Variants in TTLL4 observed in about 807,000 individuals in gnomAD.
TTLL4 encodes tubulin tyrosine ligase like 4, also known as tubulin monoglutamylase TTLL4.
TTLL4 carries 85 observed loss-of-function variants against 122.7 expected under a neutral mutation model. The observed-to-expected ratio is 0.69, with a 90% CI of 0.58 to 0.83. TTLL4 has a LOEUF of 0.83. Among genes scored for constraint, TTLL4 ranks in the 40% least tolerant of loss-of-function variants. The pLI is 0.00. For missense variants in TTLL4, 1,363 were observed against 1,488.6 expected (o/e 0.92, Z 1.39); for synonymous variants, 553 against 563.0 (o/e 0.98, Z 0.25).
chr2:218,733,304 G>A (rs2106422475), intron 2 of TTLL4, among the ~76,000 whole-genome samples: 1 of 152,294 alleles, frequency 6.6e-6, no homozygotes, highest in Admixed American at 6.5e-5. Context: ...GGTTCTGCAG[G>A]CTGTATGGGT....
chr2:218,741,294 G>A (rs1207536125), intron 5 of TTLL4, among the ~76,000 whole-genome samples: 1 of 152,132 alleles, frequency 6.6e-6, no homozygotes, highest in African/African-American at 2.4e-5. Flanking sequence ...CAAAGTGCTC[G>A]GATTATAGGG....
In TTLL4 at chr2:218,740,579, C is replaced by T. The variant is rs541746294; in HGVS notation, c.1656C>T (p.Ile552=). The change falls in exon 5 of 20, where the codon ATC becomes ATT. Residue 552 remains isoleucine, a synonymous_variant. Transcript: ENST00000392102. ...CCCCCAGCGAATCGGTGGCCATGAT[C>T]TCTAGGTAAGTGTGGCTGTATAGAT... is the stretch of plus-strand genomic sequence containing the variant. ...AVSPSESVAM[I]SRSCMEILTK... The T allele has an allele frequency of 2.5e-6, 4 of 1,614,040 alleles. No individual in the cohort carries two copies. Among genetic ancestry groups the T allele is most frequent in the Middle Eastern group, 1.6e-4 (1 of 6,084 alleles).
At chr2:218,751,553 T>G in intron 15 of TTLL4, 151 bp from the exon 16 acceptor site, 1 of 1,319,804 alleles carries the variant, frequency 7.6e-7, no homozygotes, top group East Asian at 2.9e-5. Context: ...GGGAGTGCAT[T>G]TTAGTCCAAC....
chr2:218,719,158 G>A (rs1436152408), intron 1 of TTLL4, among the ~76,000 whole-genome samples: 1 of 152,028 alleles, frequency 6.6e-6, no homozygotes, highest in Non-Finnish European at 1.5e-5. Context: ...AAAGTTGTTG[G>A]GGGAGGAGAC....
intron 12 of TTLL4, 170 bp downstream of exon 12, chr2:218,748,397 G>A: frequency 7.2e-6 from 8 of 1,112,048 alleles, no homozygotes; most frequent in South Asian, 1.7e-5. Context: ...GCTCACGCCT[G>A]TAATCCTAGC....
chr2:218,729,249 A>C (rs1942286055), intron 2 of TTLL4, among the ~76,000 whole-genome samples: 1 of 151,988 alleles, frequency 6.6e-6, no homozygotes, highest in Non-Finnish European at 1.5e-5. Context: ...GTCTATCTTG[A>C]TATCACTTTT....
intron 3 of TTLL4, 75 bp from the exon 4 acceptor site, chr2:218,739,983 G>C (rs564349840): frequency 8.8e-6 from 12 of 1,358,016 alleles, no homozygotes; most frequent in South Asian, 2.5e-5. Flanking sequence ...ACTGGGAGAT[G>C]ATGAAGGAAT....
Position 218,752,935 on chromosome 2 carries a change from C to T in TTLL4, c.3149C>T (p.Thr1050Ile), listed in dbSNP as rs2106464682. 3 of 1,614,182 alleles carry T rather than the reference C, an allele frequency of 1.9e-6. No homozygotes were observed. Among genetic ancestry groups the T allele is most frequent in the Non-Finnish European group, 2.5e-6 (3 of 1,180,026 alleles). The change falls in exon 17 of 20, where the codon ACC (threonine) becomes ATC (isoleucine). Residue 1050 changes from threonine (T) to isoleucine (I), a missense_variant. Coordinates refer to ENST00000392102, the MANE Select transcript of TTLL4 (RefSeq NM_014640.5). ...EQPRYFNILT[T>I]QWEQKYHGNK... The stretch of plus-strand genomic sequence containing the variant: ...CCACGATATTTCAACATTCTCACCA[C>T]CCAATGGGAACAGAAATACCATGGC...
chr2:218,727,562 C>T (rs921674291), intron 2 of TTLL4, among the ~76,000 whole-genome samples: 4 of 151,960 alleles, frequency 2.6e-5, no homozygotes, highest in Non-Finnish European at 4.4e-5. Flanking sequence ...ACGGTGAAAC[C>T]CTGTCTTTGC....
At chr2:218,745,036 T>C in intron 5 of TTLL4, 73 bp from the exon 6 acceptor site, 1 of 1,563,452 alleles carries the variant, frequency 6.4e-7, no homozygotes, top group Non-Finnish European at 8.7e-7. Context: ...AAATAAATCG[T>C]ACGTCGTAGT....
chr2:218,730,311 C>CAAAAAAAAAAAAAAAAAAAAAA lies in TTLL4; in HGVS notation c.-99+2981_-99+3002dup, dbSNP rs548186206. On this transcript the variant is annotated intron_variant, in intron 2 of 19. Transcript: ENST00000392102. Reference sequence around the variant, plus strand: ...TGAAACCCCATCTTTACTAAAAATCCAAAAAAAAAAAAAAAAAAAAAAAAA... The same window carrying CAAAAAAAAAAAAAAAAAAAAAA: ...TGAAACCCCATCTTTACTAAAAATCCAAAAAAAAAAAAAAAAAAAAAAAAAAAAAAAAAAAAAAAAAAAAAAA... Among the ~76,000 whole-genome samples the CAAAAAAAAAAAAAAAAAAAAAA allele has an allele frequency of 1.3e-3, 19 of 14,302 alleles. 5 individuals are homozygous for CAAAAAAAAAAAAAAAAAAAAAA. The highest frequency in any genetic ancestry group is 3.1e-3 in the African/African-American group (10 of 3,250). 9.4% of individuals were successfully genotyped at this position (14,302 alleles called of 152,430 possible).
At chr2:218,754,021 G>C in intron 19 of TTLL4, 113 bp from the exon 20 acceptor site, 1 of 1,451,088 alleles carries the variant, frequency 6.9e-7, no homozygotes, top group Non-Finnish European at 9.3e-7. Context: ...TGTAATTTTG[G>C]CCTACAACAC....
chr2:218,725,903 A>C (rs1427230483), intron 1 of TTLL4, among the ~76,000 whole-genome samples: 1 of 152,050 alleles, frequency 6.6e-6, no homozygotes, highest in Non-Finnish European at 1.5e-5. Context: ...ATTATTTTTG[A>C]CAAGTTTGTC....
intron 1 of TTLL4, among the ~76,000 whole-genome samples, chr2:218,714,572 C>G (rs1941803047): frequency 6.6e-6 from 1 of 152,118 alleles, no homozygotes; most frequent in South Asian, 2.1e-4. Context: ...GCTCGTTTCT[C>G]TTAGGCCTTA....
intron 16 of TTLL4, 75 bp downstream of exon 16, chr2:218,751,881 GC>G: frequency 1.5e-6 from 1 of 678,438 alleles, no homozygotes; most frequent in Admixed American, 4.0e-5. Context: ...AAAGCAAACA[GC>G]TTTTCTTTTT....
At chr2:218,730,331 A>C (rs7421178) in intron 2 of TTLL4, among the ~76,000 whole-genome samples, 1,844 of 82,976 alleles carry the variant, frequency 0.022, 76 homozygotes, top group African/African-American at 0.076. Context: ...AAAAAAAAAA[A>C]AAAAAAAAAA....
chr2:218,720,388 ATGG>A (rs1941997545), intron 1 of TTLL4, among the ~76,000 whole-genome samples: 1 of 152,076 alleles, frequency 6.6e-6, no homozygotes, highest in African/African-American at 2.4e-5. Flanking sequence ...CAACAAGGAG[ATGG>A]TGGTAAGAGG....
rs1288459049 is a variant in TTLL4, at chr2:218,754,138, C to T, written c.3349C>T (p.Gln1117Ter). The T allele has an allele frequency of 2.5e-6, 4 of 1,613,986 alleles. No homozygotes were observed. The African/African-American group carries it at 5.3e-5, about 22-fold the overall frequency. ...SKSETSKLGK[Q>*]SSCEVSLLLS... ...TTCACCACCTATTCCCTCCAGAAAA[C>T]AAAGCTCCTGTGAGGTTAGCCTACT... Residue 1117 changes from glutamine to a stop codon, truncating the protein, a stop_gained, in exon 20 of 20, where the codon CAA (glutamine) becomes TAA (stop). Coordinates refer to ENST00000392102, the MANE Select transcript of TTLL4 (RefSeq NM_014640.5). LOFTEE classifies it low-confidence loss of function (END_TRUNC).
intron 8 of TTLL4, chr2:218,746,606 A>G (rs1942850207): frequency 2.7e-6 from 1 of 365,740 alleles, no homozygotes; most frequent in African/African-American, 2.0e-5. Context: ...CCCTATGATC[A>G]CTGCACATTC....
Sources: allele counts gnomAD v4.1 joint callset (sites outside exome capture counted in the v4.1 genomes callset), GRCh38; gene constraint gnomAD v4.1.1; transcripts MANE v1.5; gene names NCBI Gene and HGNC (gene_info 2026-07-23, HGNC 2026-07-21).